Variants in TOR1AIP1 observed in about 807,000 individuals in gnomAD.
The protein encoded by TOR1AIP1 is torsin 1A interacting protein 1, also known as torsin-1A-interacting protein 1.
TOR1AIP1 carries 54 observed loss-of-function variants against 63.3 expected under a neutral mutation model. The observed-to-expected ratio is 0.85, with a 90% CI of 0.69 to 1.07. The LOEUF (loss-of-function observed/expected upper bound fraction) is 1.07, where lower values mean the gene tolerates loss of function less well. Among genes scored for constraint, TOR1AIP1 ranks in the 50% least tolerant of loss-of-function variants. TOR1AIP1 has a pLI of 0.00. For missense variants in TOR1AIP1, 736 were observed against 715.0 expected, an observed-to-expected ratio of 1.03 and a Z score of -0.33; for synonymous variants, 294 against 273.5, an observed-to-expected ratio of 1.07 and a Z score of -0.74.
At chr1:179,917,247 G>C (rs990227982) in intron 9 of TOR1AIP1, among the ~76,000 whole-genome samples, 2 of 151,990 alleles carry the variant, frequency 1.3e-5, no homozygotes, top group African/African-American at 2.4e-5. Context: ...ATGCATATTT[G>C]TACACATAAT....
intron 2 of TOR1AIP1, among the ~76,000 whole-genome samples, chr1:179,886,032 C>T (rs754582376): frequency 3.9e-5 from 6 of 152,176 alleles, no homozygotes; most frequent in Admixed American, 1.3e-4. Flanking sequence ...TCAGCCACCA[C>T]GCCTGGCCTG....
At chr1:179,912,862 G>A (rs1165387088) in intron 8 of TOR1AIP1, among the ~76,000 whole-genome samples, 1 of 152,060 alleles carries the variant, frequency 6.6e-6, no homozygotes, top group Non-Finnish European at 1.5e-5. Flanking sequence ...TTATTCCAGT[G>A]TTTCTCAAAT....
chr1:179,900,199 ACTTTAAGT>A, intron 4 of TOR1AIP1, 32 bp downstream of exon 4: 3 of 1,440,092 alleles, frequency 2.1e-6, no homozygotes, highest in Non-Finnish European at 2.9e-6. Context: ...TATAATATAT[ACTTTAAGT>A]CTTTTTCTTT....
At chr1:179,913,470 G>C in intron 8 of TOR1AIP1, 3 of 656,300 alleles carry the variant, frequency 4.6e-6, no homozygotes, top group Non-Finnish European at 8.2e-6. Context: ...AGGAAATACT[G>C]AATCAGTTTG....
chr1:179,903,317 C>G (rs1648524334), intron 5 of TOR1AIP1, among the ~76,000 whole-genome samples: 1 of 151,854 alleles, frequency 6.6e-6, no homozygotes, highest in Non-Finnish European at 1.5e-5. Flanking sequence ...TGCCCACTTG[C>G]AATAAAAATT....
rs189575883 is a variant in TOR1AIP1 at position 179,892,890 on chromosome 1, G to C, written c.610+3521G>C. 3.1e-3 allele frequency among the ~76,000 whole-genome samples: 476 copies of C among 152,024 alleles called. 2 individuals are homozygous for C. The highest frequency in any genetic ancestry group is 3.5e-3 in the Non-Finnish European group (241 of 67,970). On this transcript the variant is annotated intron_variant, in intron 3 of 9. Transcript: ENST00000606911. ...ATATTATTTAAATTCATTTTTTTGT[G>C]TGATTGTAAATTTAAAAAAGAGATT...
rs1647739818 is a variant in TOR1AIP1, at chr1:179,882,566, A to C, written c.64A>C (p.Arg22=). 1 of 1,513,348 alleles carries C rather than the reference A, an allele frequency of 6.6e-7. No homozygotes were observed. The highest frequency in any genetic ancestry group is 8.8e-7 in the Non-Finnish European group (1 of 1,134,750). The allele number at this position is 1,513,348 out of a possible 1,614,324, so 93.7% of individuals were successfully genotyped here. ...REGWGVYVTP[R]APIREGRGRL... ...AGGATGGGGTGTGTACGTCACCCCC[A>C]GGGCCCCCATCCGAGAGGGAAGGGG... The change falls in exon 1 of 10, where the codon AGG becomes CGG. Residue 22 remains arginine (R), a synonymous_variant. Coordinates refer to ENST00000606911, the MANE Select transcript of TOR1AIP1 (RefSeq NM_015602.4).
chr1:179,883,136 C>T, intron 1 of TOR1AIP1, 159 bp downstream of exon 1: 1 of 684,428 alleles, frequency 1.5e-6, no homozygotes, highest in Middle Eastern at 4.1e-4. Context: ...CGTGCAAGGG[C>T]CACCCTGACC....
At chr1:179,899,656 T>C (rs1389366212) in intron 3 of TOR1AIP1, among the ~76,000 whole-genome samples, 2 of 152,222 alleles carry the variant, frequency 1.3e-5, no homozygotes, top group African/African-American at 2.4e-5. Flanking sequence ...ATTTCCTTTT[T>C]CTGTTTGAGA....
At chr1:179,901,062 T>A (rs755103243) in intron 4 of TOR1AIP1, among the ~76,000 whole-genome samples, 52 of 152,348 alleles carry the variant, frequency 3.4e-4, no homozygotes, top group Non-Finnish European at 6.2e-4. Context: ...TTTTTAGATA[T>A]TACTCTGAAT....
Position 179,917,723 on chromosome 1 carries a change from C to T in TOR1AIP1, c.1236C>T (p.Leu412=), listed in dbSNP as rs751866285. ...GGTCTCAGCCTGCTATCTTACTGCT[C>T]ACTGCTGCCCGAGATGCTGAAGAAG... ...HPRSQPAILL[L]TAARDAEEAL... Residue 412 remains leucine, a synonymous_variant, in exon 10 of 10, where the codon CTC becomes CTT. Coordinates refer to ENST00000606911, the MANE Select transcript of TOR1AIP1 (RefSeq NM_015602.4). 11 of 1,614,052 alleles carry T rather than the reference C, an allele frequency of 6.8e-6. No individual in the cohort carries two copies. In the East Asian group the frequency reaches 2.2e-4, roughly 33 times the overall value.
intron 3 of TOR1AIP1, among the ~76,000 whole-genome samples, chr1:179,892,574 A>T (rs1053627979): frequency 3.9e-5 from 6 of 151,992 alleles, no homozygotes; most frequent in Admixed American, 2.0e-4. Flanking sequence ...CGTCTCTACT[A>T]AAAAGTACAA....
chr1:179,909,248 T>A (rs967407944), intron 8 of TOR1AIP1, among the ~76,000 whole-genome samples: 1 of 152,214 alleles, frequency 6.6e-6, no homozygotes, highest in African/African-American at 2.4e-5. Context: ...TATACAATAA[T>A]GAAATTCTAC....
chr1:179,884,838 A>G (rs913356376), intron 2 of TOR1AIP1, 69 bp downstream of exon 2: 15 of 1,224,474 alleles, frequency 1.2e-5, no homozygotes, highest in African/African-American at 3.1e-5. Context: ...GAATTAAACA[A>G]TGTAAGTATG....
chr1:179,884,647 G>A, intron 1 of TOR1AIP1, 45 bp from the exon 2 acceptor site: 1 of 1,481,392 alleles, frequency 6.8e-7, no homozygotes, highest in Non-Finnish European at 9.3e-7. Flanking sequence ...TGATCTCCCA[G>A]GTCATATATT....
intron 8 of TOR1AIP1, among the ~76,000 whole-genome samples, 176 bp downstream of exon 8, chr1:179,908,849 A>G (rs757949965): frequency 6.6e-5 from 10 of 152,210 alleles, no homozygotes; most frequent in Non-Finnish European, 1.3e-4. Context: ...GGCTGGGTGT[A>G]GAATGTAAAT....
intron 3 of TOR1AIP1, among the ~76,000 whole-genome samples, chr1:179,894,074 AC>A (rs1264907997): frequency 6.6e-6 from 1 of 150,590 alleles, no homozygotes; most frequent in African/African-American, 2.4e-5. Context: ...CCATGGTGAA[AC>A]CCCATCTCTA....
Position 179,917,742 on chromosome 1 carries a change from G to T in TOR1AIP1, c.1255G>T (p.Glu419Ter). Residue 419 changes from glutamate to a stop codon, truncating the protein, a stop_gained, in exon 10 of 10, where the codon GAA (glutamate) becomes TAA (stop). Coordinates refer to ENST00000606911, the MANE Select transcript of TOR1AIP1 (RefSeq NM_015602.4). LOFTEE classifies it high-confidence loss of function. ...ACTGCTCACTGCTGCCCGAGATGCT[G>T]AAGAAGCACTTAGGTGTCTGAGTGA... ...ILLLTAARDA[E>*]EALRCLSEQI... is the part of the protein sequence containing the mutation. 6.2e-7 allele frequency: 1 copy of T among 1,614,176 alleles called. No individual in the cohort carries two copies.
chr1:179,905,633 A>G (rs1648606657), intron 6 of TOR1AIP1, among the ~76,000 whole-genome samples: 2 of 152,142 alleles, frequency 1.3e-5, no homozygotes, highest in South Asian at 2.1e-4. Context: ...ATCTACCCGT[A>G]TAAATGATAT....
Sources: gnomAD v4.1 joint callset for allele counts (sites outside exome capture counted in the v4.1 genomes callset) on GRCh38, gnomAD v4.1.1 for gene constraint, MANE v1.5 for transcripts, NCBI Gene and HGNC (gene_info 2026-07-23, HGNC 2026-07-21) for gene names.